CCDC3: variants seen among roughly 807,000 people sequenced by gnomAD.
The protein encoded by CCDC3 is coiled-coil domain containing 3, also known as coiled-coil domain-containing protein 3.
Under a neutral mutation model 21.4 loss-of-function variants are expected in CCDC3, and 24 were observed. That is an observed-to-expected ratio of 1.12 (90% CI 0.81 to 1.58). CCDC3 has a LOEUF of 1.58. Ranked by LOEUF, CCDC3 falls within the 40% of genes most tolerant of loss-of-function variation. CCDC3 has a pLI of 0.00. For synonymous variants in CCDC3, 186 were observed against 166.0 expected (o/e 1.12, Z -0.93); for missense variants, 425 against 360.9 (o/e 1.18, Z -1.44).
chr10:13,095,505 C>T (rs1008419026), intron 3 of CCDC3, among the ~76,000 whole-genome samples: 5 of 152,146 alleles, frequency 3.3e-5, no homozygotes, highest in Non-Finnish European at 5.9e-5. Context: ...ATAAGAAGCA[C>T]GCAACCTAGA....
rs1307188428 is a variant in CCDC3 at position 13,014,410 on chromosome 10, G to A, written c.-1-15898C>T. Among the ~76,000 whole-genome samples the A allele has an allele frequency of 9.9e-5, 14 of 141,212 alleles. No individual in the cohort carries two copies. The South Asian group carries it at 2.7e-3, about 27-fold the overall frequency. The allele number at this position is 141,212 out of a possible 152,430, so 92.6% of individuals were successfully genotyped here. The stretch of plus-strand genomic sequence containing the variant: ...GCTTGCAGTGAGCCAAGATCGTGCC[G>A]CTGCACTCCAGCCTGGGCGACAGAG... On this transcript the variant is annotated intron_variant, in intron 5 of 6. Coordinates refer to the CCDC3 transcript ENST00000378839.
chr10:12,913,671 A>G (rs1354158237), intron 2 of CCDC3, among the ~76,000 whole-genome samples: 2 of 152,234 alleles, frequency 1.3e-5, no homozygotes, highest in Admixed American at 1.3e-4. Flanking sequence ...ATCTTAGAAG[A>G]AAAGCTTTCA....
upstream of CCDC3, among the ~76,000 whole-genome samples, chr10:13,002,646 C>T (rs1453585660): frequency 1.3e-5 from 2 of 152,212 alleles, no homozygotes; most frequent in Non-Finnish European, 2.9e-5. Flanking sequence ...TCCCAAAGTG[C>T]TGAACTTTCA....
At chr10:13,060,403 G>T (rs1836741374) in intron 4 of CCDC3, among the ~76,000 whole-genome samples, 1 of 152,136 alleles carries the variant, frequency 6.6e-6, no homozygotes, top group Non-Finnish European at 1.5e-5. Flanking sequence ...GGGCTGGAGA[G>T]GAGTTGCGTA....
intron 3 of CCDC3, among the ~76,000 whole-genome samples, chr10:13,095,527 T>C (rs1832619629): frequency 6.6e-6 from 1 of 152,154 alleles, no homozygotes; most frequent in African/African-American, 2.4e-5. Context: ...CCCTTGCATG[T>C]TCTGTTGACA....
chr10:13,001,594 G>T lies in CCDC3; in HGVS notation c.-24C>A. 2 of 1,160,174 alleles carry T rather than the reference G, an allele frequency of 1.7e-6. No homozygotes were observed. The highest frequency in any genetic ancestry group is 4.3e-5 in the South Asian group (1 of 23,450). 71.9% of individuals were successfully genotyped at this position (1,160,174 alleles called of 1,614,324 possible). On this transcript the variant is annotated 5_prime_UTR_variant, in exon 1 of 3. Coordinates refer to ENST00000378825, the MANE Select transcript of CCDC3 (RefSeq NM_031455.4). Reference sequence around the variant, plus strand: ...ATGCCGGGCCCTCCCGGGGCGCACGGGGCGGCGGCGGGGAGCCCGGGGAGC... The same window carrying T: ...ATGCCGGGCCCTCCCGGGGCGCACGTGGCGGCGGCGGGGAGCCCGGGGAGC...
At chr10:12,944,191 C>T (rs1834879203) in intron 2 of CCDC3, among the ~76,000 whole-genome samples, 1 of 152,188 alleles carries the variant, frequency 6.6e-6, no homozygotes, top group Non-Finnish European at 1.5e-5. Flanking sequence ...AGCTCTCTCT[C>T]ATGGGGGAAA....
chr10:12,981,112 A>T (rs1315359630), intron 2 of CCDC3, among the ~76,000 whole-genome samples: 2 of 150,110 alleles, frequency 1.3e-5, no homozygotes. Context: ...GCTTCAAGCC[A>T]GCCTCCTGCT....
At chr10:12,942,894 C>T (rs566852225) in intron 2 of CCDC3, among the ~76,000 whole-genome samples, 2 of 152,260 alleles carry the variant, frequency 1.3e-5, no homozygotes, top group East Asian at 1.9e-4. Context: ...GTGTCCTCGT[C>T]CTTGATCTCC....
chr10:12,904,521 C>T (rs931545228), intron 2 of CCDC3, among the ~76,000 whole-genome samples: 1 of 135,862 alleles, frequency 7.4e-6, no homozygotes, highest in African/African-American at 2.6e-5. Flanking sequence ...GTTATTAATC[C>T]TCCTCTATCC....
At chr10:12,955,074 A>C (rs1835063028) in intron 2 of CCDC3, among the ~76,000 whole-genome samples, 1 of 152,212 alleles carries the variant, frequency 6.6e-6, no homozygotes, top group Non-Finnish European at 1.5e-5. Context: ...CAAACTGTTC[A>C]AGTTTTTGTC....
chr10:12,985,563 G>C (rs751637321), intron 2 of CCDC3, among the ~76,000 whole-genome samples: 1 of 151,622 alleles, frequency 6.6e-6, no homozygotes, highest in African/African-American at 2.4e-5. Context: ...AGCAATCAGC[G>C]GTGCATCTAC....
At chr10:13,093,494 T>C (rs1433687950) in intron 3 of CCDC3, among the ~76,000 whole-genome samples, 2 of 152,156 alleles carry the variant, frequency 1.3e-5, no homozygotes, top group East Asian at 3.8e-4. Context: ...TAAGTCAACC[T>C]CTACAGAAGG....
intron 2 of CCDC3, among the ~76,000 whole-genome samples, chr10:12,920,484 A>G (rs913895722): frequency 2.6e-5 from 4 of 152,194 alleles, no homozygotes; most frequent in African/African-American, 9.7e-5. Context: ...TTATTTACCC[A>G]GGGCAGAAAG....
At chr10:12,968,140 G>A (rs1835287750) in intron 2 of CCDC3, among the ~76,000 whole-genome samples, 1 of 150,202 alleles carries the variant, frequency 6.7e-6, no homozygotes, top group Admixed American at 6.7e-5. Flanking sequence ...CTGTACTCCA[G>A]CCTGGGTGAA....
In CCDC3 at chr10:13,093,585, T is replaced by C. The variant is rs74119425; in HGVS notation, c.-503+4940A>G. ...AGAAATGAAAAACAAATTCTAATTT[T>C]TTTCAAGCTGGAGAGAAGCTAAGAG... On this transcript the variant is annotated intron_variant, in intron 3 of 6. Coordinates refer to the CCDC3 transcript ENST00000378839. Among the ~76,000 whole-genome samples the C allele has an allele frequency of 3.9e-3, 601 of 152,266 alleles. 2 individuals carry two copies. Among genetic ancestry groups the C allele is most frequent in the African/African-American group, 0.014 (571 of 41,544 alleles).
intron 2 of CCDC3, among the ~76,000 whole-genome samples, chr10:12,903,986 A>T (rs1036284594): frequency 6.6e-6 from 1 of 152,222 alleles, no homozygotes; most frequent in African/African-American, 2.4e-5. Context: ...TAAATAGATA[A>T]CTATTTCAAA....
upstream of CCDC3, among the ~76,000 whole-genome samples, chr10:13,003,329 C>T (rs1835888751): frequency 6.6e-6 from 1 of 151,042 alleles, no homozygotes; most frequent in Admixed American, 6.6e-5. Context: ...CTATTATCCT[C>T]ATTTTACAGA....
intron 5 of CCDC3, among the ~76,000 whole-genome samples, chr10:13,024,693 C>T (rs1022269570): frequency 6.6e-6 from 1 of 152,110 alleles, no homozygotes; most frequent in African/African-American, 2.4e-5. Flanking sequence ...TTAACTTGTA[C>T]CTTCTGTTCT....
Sources: gnomAD v4.1 joint callset for allele counts (sites outside exome capture counted in the v4.1 genomes callset) on GRCh38, gnomAD v4.1.1 for gene constraint, MANE v1.5 for transcripts, NCBI Gene and HGNC (gene_info 2026-07-23, HGNC 2026-07-21) for gene names.